BUD13: variants seen among roughly 807,000 people sequenced by gnomAD.
BUD13 encodes BUD13 homolog.
BUD13 carries 47 observed loss-of-function variants against 62.5 expected under a neutral mutation model. That is an observed-to-expected ratio of 0.75 (90% CI 0.60 to 0.96). BUD13 has a LOEUF of 0.96. BUD13 is among the 40% of genes least tolerant of loss of function. The pLI, the probability that BUD13 is intolerant of heterozygous loss-of-function variation, is 0.00. For missense variants in BUD13, 821 were observed against 790.9 expected, an observed-to-expected ratio of 1.04 and a Z score of -0.46; for synonymous variants, 293 against 280.1, an observed-to-expected ratio of 1.05 and a Z score of -0.46.
chr11:116,748,902 T>C (rs1940186502), intron 9 of BUD13, among the ~76,000 whole-genome samples: 1 of 149,300 alleles, frequency 6.7e-6, no homozygotes, highest in East Asian at 2.0e-4. Context: ...GGAGAATCGC[T>C]TGAACCTGGA....
At position 116,761,693 on chromosome 11, in the gene BUD13, G is replaced by A. The variant is rs796726816; in HGVS notation, c.1037-741C>T. ...TATAGTCTGATATCCTTGGACTAAA[G>A]GATAACAAAGTACTTTAATTTTAAA... is the stretch of plus-strand genomic sequence containing the variant. On this transcript the variant is annotated intron_variant, in intron 4 of 9. Transcript: ENST00000260210. Among the ~76,000 whole-genome samples, 12 of 152,230 alleles carry A rather than the reference G, an allele frequency of 7.9e-5. 1 individual carries two copies. The highest frequency in any genetic ancestry group is 2.9e-4 in the African/African-American group (12 of 41,542).
chr11:116,760,549 T>C (rs1940410640), intron 5 of BUD13, 186 bp downstream of exon 5: 4 of 583,936 alleles, frequency 6.9e-6, no homozygotes, highest in Non-Finnish European at 1.2e-5. Flanking sequence ...TATCTGTAAG[T>C]CCATCTGGGA....
chr11:116,768,331 C>T (rs1048457721), intron 2 of BUD13, among the ~76,000 whole-genome samples: 2 of 152,026 alleles, frequency 1.3e-5, no homozygotes, highest in Non-Finnish European at 2.9e-5. Flanking sequence ...AAGGTCTTAC[C>T]AGAGTATCCA....
At chr11:116,754,815 G>T (rs1469578669) in intron 9 of BUD13, among the ~76,000 whole-genome samples, 2 of 152,136 alleles carry the variant, frequency 1.3e-5, no homozygotes, top group African/African-American at 4.8e-5. Flanking sequence ...TGCAAAGATG[G>T]AAGACCCTCT....
chr11:116,770,594 A>G (rs1323902311), intron 1 of BUD13, among the ~76,000 whole-genome samples: 1 of 150,576 alleles, frequency 6.6e-6, no homozygotes, highest in Non-Finnish European at 1.5e-5. Context: ...TCCCGGGTTC[A>G]CACCATTCTC....
intron 2 of BUD13, among the ~76,000 whole-genome samples, chr11:116,767,884 G>C (rs1488257841): frequency 6.6e-6 from 1 of 151,360 alleles, no homozygotes; most frequent in South Asian, 2.1e-4. Flanking sequence ...AAGGTAGGAG[G>C]ATTGCTTGCA....
intron 8 of BUD13, 91 bp from the exon 9 acceptor site, chr11:116,757,318 T>C (rs1036851347): frequency 1.7e-6 from 2 of 1,153,788 alleles, no homozygotes; most frequent in African/African-American, 1.5e-5. Context: ...TTTTTTTTAG[T>C]AGAGTCTCAC....
rs1251902124 is a variant in BUD13 at position 116,760,815 on chromosome 11, G to C, written c.1174C>G (p.Pro392Ala). The C allele has an allele frequency of 3.1e-6, 5 of 1,614,024 alleles. No individual in the cohort carries two copies. Among genetic ancestry groups the C allele is most frequent in the Non-Finnish European group, 4.2e-6 (5 of 1,180,020 alleles). ...RHRSSDSDLS[P>A]PRRRQRTKSS... ...TTGGTCCTCTGTCTCCTCCTTGGTG[G>C]AGAGAGGTCAGAATCAGAGCTCCGG... Residue 392 changes from proline (P) to alanine (A), a missense_variant, in exon 5 of 10, where the codon CCA becomes GCA. Pro to Ala is a conservative substitution (Grantham distance 27). Coordinates refer to ENST00000260210, the MANE Select transcript of BUD13 (RefSeq NM_032725.4).
At chr11:116,760,038 T>C (rs1175309855) in intron 5 of BUD13, among the ~76,000 whole-genome samples, 5 of 152,230 alleles carry the variant, frequency 3.3e-5, no homozygotes, top group South Asian at 2.1e-4. Context: ...TTGGGGTTTT[T>C]TGGCTAATTC....
chr11:116,757,231 A>G lies in BUD13; in HGVS notation c.1685-4T>C. On this transcript the variant is annotated splice_polypyrimidine_tract_variant and splice_region_variant and intron_variant, in intron 8 of 9. Transcript: ENST00000260210. Reference sequence around the variant, plus strand: ...GGACCACTGTAGCGAGGTCTCACTAATGAGAGGAGTAAGAAAAAAGTATTC... The same window carrying G: ...GGACCACTGTAGCGAGGTCTCACTAGTGAGAGGAGTAAGAAAAAAGTATTC... The G allele has an allele frequency of 6.2e-7, 1 of 1,612,378 alleles. No homozygotes were observed. Among genetic ancestry groups the G allele is most frequent in the Non-Finnish European group, 8.5e-7 (1 of 1,178,474 alleles).
At chr11:116,754,227 TG>T (rs1473686956) in intron 9 of BUD13, among the ~76,000 whole-genome samples, 2 of 152,142 alleles carry the variant, frequency 1.3e-5, no homozygotes, top group Non-Finnish European at 2.9e-5. Context: ...TGTATTTTTT[TG>T]TAGAGACAGG....
rs1338459128 is a variant in BUD13, at chr11:116,770,229, G to C, written c.144-7C>G. 1 of 1,602,032 alleles carries C rather than the reference G, an allele frequency of 6.2e-7. No homozygotes were observed. ...ATCATCCACAATCCGCATTCTAAAT[G>C]AGAATAAGAAGATCAAAAAGAGTCA... On this transcript the variant is annotated splice_polypyrimidine_tract_variant and splice_region_variant and intron_variant, in intron 1 of 9. Coordinates refer to ENST00000260210, the MANE Select transcript of BUD13 (RefSeq NM_032725.4).
At chr11:116,752,081 C>T (rs555616496) in intron 9 of BUD13, among the ~76,000 whole-genome samples, 8 of 152,254 alleles carry the variant, frequency 5.3e-5, no homozygotes, top group East Asian at 3.9e-4. Context: ...GCAGCTGGGA[C>T]TACAGGCGCC....
In BUD13 at chr11:116,757,788, G is replaced by T; in HGVS notation, c.1662C>A (p.Ala554=). The T allele has an allele frequency of 6.2e-7, 1 of 1,612,446 alleles. No individual in the cohort carries two copies. The highest frequency in any genetic ancestry group is 1.1e-5 in the South Asian group (1 of 90,722). The stretch of plus-strand genomic sequence containing the variant: ...CACCTTTTTTATTCTTGTTCTCCTT[G>T]GCCTTATTCTTCTTGATGAAGTTGG... The part of the protein sequence containing the change: ...PMANFIKKNK[A]KENKNKKVRP... The change falls in exon 8 of 10, where the codon GCC becomes GCA. Residue 554 remains alanine, a synonymous_variant. Transcript: ENST00000260210.
At chr11:116,754,997 T>C (rs1344011374) in intron 9 of BUD13, among the ~76,000 whole-genome samples, 1 of 152,040 alleles carries the variant, frequency 6.6e-6, no homozygotes, top group Non-Finnish European at 1.5e-5. Context: ...AACAGGAAAA[T>C]GTAATACACA....
chr11:116,757,644 C>CTCACAAATACAATGAA (rs1364069677), intron 8 of BUD13, 122 bp downstream of exon 8: 1 of 1,262,680 alleles, frequency 7.9e-7, no homozygotes, highest in Non-Finnish European at 1.1e-6. Flanking sequence ...TGAATCTAAA[C>CTCACAAATACAATGAA]TCACAAATAC....
chr11:116,771,439 A>T (rs529170916), intron 1 of BUD13, among the ~76,000 whole-genome samples: 15 of 152,224 alleles, frequency 9.9e-5, no homozygotes, highest in African/African-American at 1.7e-4. Flanking sequence ...AAATAATAAC[A>T]ATGACTGCCA....
intron 7 of BUD13, 92 bp from the exon 8 acceptor site, chr11:116,758,042 C>T (rs1380903514): frequency 1.3e-6 from 2 of 1,520,880 alleles, no homozygotes; most frequent in African/African-American, 2.8e-5. Context: ...TGGACAATCT[C>T]CTCTTTCTAG....
At position 116,757,970 on chromosome 11, in the gene BUD13, G is replaced by A. The variant is rs200027617; in HGVS notation, c.1500-20C>T. 6.5e-5 allele frequency: 104 copies of A among 1,612,140 alleles called. No homozygotes were observed. The highest frequency in any genetic ancestry group is 8.7e-5 in the Non-Finnish European group (103 of 1,179,660). ...GCAAGCCTGGGCAAAAAGGAACCAA[G>A]AGTGTTTGCTATCCTGTATGACATT... On this transcript the variant is annotated intron_variant, in intron 7 of 9. Transcript: ENST00000260210.
Sources: gnomAD v4.1 joint callset for allele counts (sites outside exome capture counted in the v4.1 genomes callset) on GRCh38, gnomAD v4.1.1 for gene constraint, MANE v1.5 for transcripts, NCBI Gene and HGNC (gene_info 2026-07-23, HGNC 2026-07-21) for gene names.